RPH3A: variants seen among roughly 807,000 people sequenced by gnomAD.
The protein encoded by RPH3A is rabphilin 3A, also known as rabphilin-3A.
Under a neutral mutation model 102.2 loss-of-function variants are expected in RPH3A, and 48 were observed. That is an observed-to-expected ratio of 0.47 (90% CI 0.37 to 0.60). The LOEUF is 0.60. Ranked by LOEUF, RPH3A falls within the 20% of genes least tolerant of loss-of-function variation. The pLI, the probability that RPH3A is intolerant of heterozygous loss-of-function variation, is 0.00. For missense variants in RPH3A, 781 were observed against 910.1 expected (o/e 0.86, Z 1.83); for synonymous variants, 310 against 324.3 (o/e 0.96, Z 0.47).
At chr12:112,884,008 T>C (rs2042966712) in intron 16 of RPH3A, among the ~76,000 whole-genome samples, 1 of 151,638 alleles carries the variant, frequency 6.6e-6, no homozygotes, top group African/African-American at 2.4e-5. Flanking sequence ...CTTATTTCCA[T>C]ATATATATAT....
chr12:112,767,708 G>A (rs2040899879), intron 1 of RPH3A, among the ~76,000 whole-genome samples: 1 of 151,986 alleles, frequency 6.6e-6, no homozygotes, highest in Non-Finnish European at 1.5e-5. Context: ...ATGAAAACTG[G>A]GTATGACAAT....
intron 14 of RPH3A, 75 bp downstream of exon 14, chr12:112,879,273 G>T: frequency 8.1e-7 from 1 of 1,232,580 alleles, no homozygotes; most frequent in South Asian, 1.3e-5. Flanking sequence ...GGGGATGGAT[G>T]ACCAGGCCTG....
chr12:112,834,821 T>G (rs1450631989), intron 3 of RPH3A, among the ~76,000 whole-genome samples: 1 of 152,238 alleles, frequency 6.6e-6, no homozygotes, highest in Non-Finnish European at 1.5e-5. Context: ...TTTTACAAGT[T>G]TTCTTATGTT....
intron 1 of RPH3A, among the ~76,000 whole-genome samples, chr12:112,599,474 G>A (rs2039541274): frequency 6.6e-6 from 1 of 152,118 alleles, no homozygotes; most frequent in African/African-American, 2.4e-5. Flanking sequence ...TATAAATTGA[G>A]GTGAGAACCT....
intron 1 of RPH3A, among the ~76,000 whole-genome samples, chr12:112,675,698 G>C (rs913676097): frequency 6.6e-6 from 1 of 152,142 alleles, no homozygotes; most frequent in Non-Finnish European, 1.5e-5. Context: ...TTATGACTCT[G>C]GTTGTATCTG....
intron 5 of RPH3A, among the ~76,000 whole-genome samples, chr12:112,862,286 T>C (rs2042532600): frequency 1.3e-5 from 2 of 152,030 alleles, no homozygotes; most frequent in South Asian, 2.1e-4. Context: ...ATGCCTGTAG[T>C]CCCAGCTACT....
In RPH3A at chr12:112,890,779, T is replaced by C. The variant is rs116206548; in HGVS notation, c.1621-70T>C. ...CGCCTGCCCTTCATAGGTTCTTCCC[T>C]AATGCTCGCCATTCACATTTCCTGG... On this transcript the variant is annotated intron_variant, in intron 18 of 21. Coordinates refer to ENST00000389385, the MANE Select transcript of RPH3A (RefSeq NM_001143854.2). 470 of 1,539,332 alleles carry C rather than the reference T, an allele frequency of 3.1e-4. 3 individuals are homozygous for C. The African/African-American group carries it at 5.5e-3, about 18-fold the overall frequency.
At chr12:112,662,882 G>A (rs538711926) in intron 1 of RPH3A, among the ~76,000 whole-genome samples, 7 of 152,090 alleles carry the variant, frequency 4.6e-5, no homozygotes, top group Non-Finnish European at 7.4e-5. Flanking sequence ...CCTAGTTATA[G>A]GGGTGGGTGC....
intron 1 of RPH3A, among the ~76,000 whole-genome samples, chr12:112,724,266 T>G (rs746896865): frequency 2.0e-5 from 3 of 152,150 alleles, no homozygotes; most frequent in Non-Finnish European, 2.9e-5. Context: ...GGTCTCACTA[T>G]GTTGCCCAGG....
intron 1 of RPH3A, among the ~76,000 whole-genome samples, chr12:112,716,645 C>T (rs1157105716): frequency 2.0e-5 from 3 of 152,164 alleles, no homozygotes; most frequent in Non-Finnish European, 4.4e-5. Context: ...GTCTCATTGG[C>T]CACACCAAGT....
intron 1 of RPH3A, among the ~76,000 whole-genome samples, chr12:112,743,588 C>T (rs17234299): frequency 0.13 from 19,431 of 152,108 alleles, 1,553 homozygotes; most frequent in Admixed American, 0.2. Context: ...ACAGGGTAGG[C>T]GCTCGGTAAA....
At chr12:112,577,886 T>C (rs1423844798) in intron 1 of RPH3A, among the ~76,000 whole-genome samples, 1 of 152,118 alleles carries the variant, frequency 6.6e-6, no homozygotes, top group Non-Finnish European at 1.5e-5. Flanking sequence ...TCTTCCTCAT[T>C]CTTGTATTCC....
chr12:112,830,128 T>G (rs1355853691), intron 3 of RPH3A, among the ~76,000 whole-genome samples: 1 of 152,192 alleles, frequency 6.6e-6, no homozygotes, highest in Non-Finnish European at 1.5e-5. Context: ...TATTTACCTC[T>G]TTAATATAAA....
intron 1 of RPH3A, among the ~76,000 whole-genome samples, chr12:112,613,498 A>G (rs1426619041): frequency 6.6e-6 from 1 of 152,188 alleles, no homozygotes; most frequent in African/African-American, 2.4e-5. Context: ...ACCTTCCAGC[A>G]AAAGGGACTT....
intron 1 of RPH3A, among the ~76,000 whole-genome samples, chr12:112,646,221 A>G (rs2039928998): frequency 6.6e-6 from 1 of 152,202 alleles, no homozygotes; most frequent in Admixed American, 6.5e-5. Context: ...TTATTATCAT[A>G]GGTAACAGTG....
intron 1 of RPH3A, among the ~76,000 whole-genome samples, chr12:112,706,413 A>G (rs748257806): frequency 2.6e-5 from 4 of 151,976 alleles, no homozygotes; most frequent in Non-Finnish European, 5.9e-5. Flanking sequence ...TCAAGGATGC[A>G]CTCTTCAATG....
chr12:112,821,075 C>T (rs1593042256), intron 2 of RPH3A, among the ~76,000 whole-genome samples: 1 of 152,194 alleles, frequency 6.6e-6, no homozygotes, highest in Non-Finnish European at 1.5e-5. Context: ...CAACAGCAGC[C>T]TGTACCGTCT....
chr12:112,638,640 T>G (rs1417880914), intron 1 of RPH3A, among the ~76,000 whole-genome samples: 1 of 152,206 alleles, frequency 6.6e-6, no homozygotes, highest in Non-Finnish European at 1.5e-5. Flanking sequence ...ATGTTAATGA[T>G]GTTGTGAGGC....
intron 1 of RPH3A, among the ~76,000 whole-genome samples, chr12:112,772,122 T>G (rs759802063): frequency 1.8e-4 from 27 of 152,210 alleles, no homozygotes; most frequent in Non-Finnish European, 3.8e-4. Flanking sequence ...AAGCCCTCTC[T>G]TACTTGCCCT....
Sources: gnomAD v4.1 joint callset for allele counts (sites outside exome capture counted in the v4.1 genomes callset) on GRCh38, gnomAD v4.1.1 for gene constraint, MANE v1.5 for transcripts, NCBI Gene and HGNC (gene_info 2026-07-23, HGNC 2026-07-21) for gene names.